MAGI1: variants seen among roughly 807,000 people sequenced by gnomAD.
MAGI1 encodes membrane associated guanylate kinase, WW and PDZ domain containing 1.
In MAGI1, 58 loss-of-function variants were observed where a neutral mutation model predicts 139.9. The ratio of observed to expected loss-of-function variants is 0.41; its 90% CI spans 0.34 to 0.52. The LOEUF is 0.52. Among genes scored for constraint, MAGI1 ranks in the 20% least tolerant of loss-of-function variants. MAGI1 has a pLI of 0.12. For synonymous variants in MAGI1, 812 were observed against 737.9 expected, an observed-to-expected ratio of 1.10 and a Z score of -1.63; for missense variants, 1,874 against 1,901.6, an observed-to-expected ratio of 0.99 and a Z score of 0.27.
chr3:65,706,745 A>C (rs1446519864), intron 1 of MAGI1, among the ~76,000 whole-genome samples: 2 of 152,110 alleles, frequency 1.3e-5, no homozygotes, highest in African/African-American at 4.8e-5. Context: ...TGTTGACTAC[A>C]GCGTAATGGA....
At chr3:65,416,330 C>T (rs1371320779) in intron 12 of MAGI1, among the ~76,000 whole-genome samples, 2 of 152,150 alleles carry the variant, frequency 1.3e-5, no homozygotes, top group African/African-American at 4.8e-5. Flanking sequence ...GTCCATGTTG[C>T]AGCTTCATAG....
chr3:65,504,714 C>G (rs2077210618), intron 2 of MAGI1, among the ~76,000 whole-genome samples: 1 of 152,292 alleles, frequency 6.6e-6, no homozygotes, highest in Middle Eastern at 3.4e-3. Flanking sequence ...AAACCCTTCC[C>G]CACAACCTCT....
intron 1 of MAGI1, among the ~76,000 whole-genome samples, chr3:65,639,401 G>T (rs893322370): frequency 2.0e-5 from 3 of 152,012 alleles, no homozygotes; most frequent in African/African-American, 7.2e-5. Flanking sequence ...ACAAAATAAC[G>T]AAATAGAAGA....
At chr3:65,705,867 T>C (rs1188117166) in intron 1 of MAGI1, among the ~76,000 whole-genome samples, 1 of 152,210 alleles carries the variant, frequency 6.6e-6, no homozygotes, top group Non-Finnish European at 1.5e-5. Context: ...AATGGAGTGT[T>C]AGCATTAATG....
chr3:65,780,976 T>A (rs1018868211), intron 1 of MAGI1, among the ~76,000 whole-genome samples: 3 of 152,194 alleles, frequency 2.0e-5, no homozygotes, highest in Non-Finnish European at 4.4e-5. Flanking sequence ...TCCTAGCACA[T>A]TGGGAGGCCA....
In MAGI1 at chr3:65,560,270, C is replaced by T. The variant is rs111656208; in HGVS notation, c.430+61702G>A. 3.7e-3 allele frequency among the ~76,000 whole-genome samples: 563 copies of T among 152,220 alleles called. 6 individuals carry two copies. The highest frequency in any genetic ancestry group is 0.02 in the Middle Eastern group (6 of 294). On this transcript the variant is annotated intron_variant, in intron 2 of 22. Coordinates refer to ENST00000402939, the MANE Select transcript of MAGI1 (RefSeq NM_001033057.2). Reference sequence around the variant, plus strand: ...AAATCAGCCTGTTTTGAATTAAAAGCGTCCATTATGATGGTGCACTGAAAA... The same window carrying T: ...AAATCAGCCTGTTTTGAATTAAAAGTGTCCATTATGATGGTGCACTGAAAA...
intron 1 of MAGI1, among the ~76,000 whole-genome samples, chr3:65,933,401 C>T (rs1188575518): frequency 6.6e-6 from 1 of 152,110 alleles, no homozygotes; most frequent in Non-Finnish European, 1.5e-5. Flanking sequence ...TGATGAGAGA[C>T]CCTGGTTCCA....
chr3:65,836,800 A>AAG (rs757964797), intron 1 of MAGI1, among the ~76,000 whole-genome samples: 31 of 152,106 alleles, frequency 2.0e-4, no homozygotes, highest in Non-Finnish European at 3.8e-4. Flanking sequence ...GAAAAAGAGA[A>AAG]AGAGAGAGAG....
intron 1 of MAGI1, among the ~76,000 whole-genome samples, chr3:65,978,660 C>T (rs185776219): frequency 4.4e-5 from 6 of 137,506 alleles, no homozygotes; most frequent in African/African-American, 1.6e-4. Flanking sequence ...TGGAGTTTCA[C>T]TCTTGTTGCC....
chr3:65,915,866 A>G (rs1422222349), intron 1 of MAGI1, among the ~76,000 whole-genome samples: 2 of 151,992 alleles, frequency 1.3e-5, no homozygotes, highest in African/African-American at 4.8e-5. Flanking sequence ...AAAGGACTCA[A>G]CTTAGTGAAT....
At chr3:65,422,900 A>G (rs192927304) in intron 12 of MAGI1, among the ~76,000 whole-genome samples, 1 of 152,254 alleles carries the variant, frequency 6.6e-6, no homozygotes, top group Admixed American at 6.5e-5. Context: ...TTCACGCTTA[A>G]TGATGGGAAG....
intron 2 of MAGI1, among the ~76,000 whole-genome samples, chr3:65,611,667 A>G (rs1364240475): frequency 6.8e-6 from 1 of 147,222 alleles, no homozygotes; most frequent in Non-Finnish European, 1.5e-5. Flanking sequence ...ATACTATTAT[A>G]GTATACTATA....
intron 1 of MAGI1, among the ~76,000 whole-genome samples, chr3:65,788,781 C>G (rs1448780305): frequency 1.3e-5 from 2 of 152,184 alleles, no homozygotes; most frequent in African/African-American, 4.8e-5. Context: ...AGCCATAAAT[C>G]AACCATTATG....
intron 1 of MAGI1, among the ~76,000 whole-genome samples, chr3:65,822,600 G>T (rs1362321798): frequency 1.3e-5 from 2 of 152,184 alleles, no homozygotes; most frequent in African/African-American, 4.8e-5. Flanking sequence ...AAGAAAAGGC[G>T]TTTAACTGGC....
intron 1 of MAGI1, among the ~76,000 whole-genome samples, chr3:65,785,962 A>C (rs984013849): frequency 5.2e-4 from 76 of 147,350 alleles, no homozygotes; most frequent in African/African-American, 1.9e-3. Context: ...CTTGAAACGG[A>C]GTCTCGCTCT....
chr3:65,899,380 A>G (rs2061122518), intron 1 of MAGI1, among the ~76,000 whole-genome samples: 1 of 152,192 alleles, frequency 6.6e-6, no homozygotes, highest in Admixed American at 6.5e-5. Flanking sequence ...AATTCTTACT[A>G]ATAACATGTC....
At chr3:65,708,572 T>C (rs2030797516) in intron 1 of MAGI1, among the ~76,000 whole-genome samples, 1 of 151,518 alleles carries the variant, frequency 6.6e-6, no homozygotes, top group Non-Finnish European at 1.5e-5. Context: ...TTGGGGGCAG[T>C]CAGGTGGGCA....
At chr3:65,671,656 A>C (rs1276775596) in intron 1 of MAGI1, among the ~76,000 whole-genome samples, 1 of 152,130 alleles carries the variant, frequency 6.6e-6, no homozygotes, top group Non-Finnish European at 1.5e-5. Flanking sequence ...ATTTGTCACC[A>C]ATTAGTTATG....
chr3:65,915,224 G>A (rs2061844269), intron 1 of MAGI1, among the ~76,000 whole-genome samples: 1 of 152,166 alleles, frequency 6.6e-6, no homozygotes, highest in South Asian at 2.1e-4. Flanking sequence ...GAGCCCACAG[G>A]AGATACAAAT....
Sources: gnomAD v4.1 joint callset for allele counts (sites outside exome capture counted in the v4.1 genomes callset) on GRCh38, gnomAD v4.1.1 for gene constraint, MANE v1.5 for transcripts, NCBI Gene and HGNC (gene_info 2026-07-23, HGNC 2026-07-21) for gene names.